The following ANGPTL6 variants were observed in gnomAD, a reference collection of about 807,000 sequenced individuals.
ANGPTL6 encodes angiopoietin like 6.
ANGPTL6 carries 45 observed loss-of-function variants against 47.4 expected under a neutral mutation model. The observed-to-expected ratio is 0.95, with a 90% CI of 0.75 to 1.22. The LOEUF is 1.22. Ranked by LOEUF, ANGPTL6 falls within the 50% of genes most tolerant of loss-of-function variation. ANGPTL6 has a pLI of 0.00. For missense variants in ANGPTL6, 698 were observed against 669.4 expected, an observed-to-expected ratio of 1.04 and a Z score of -0.47; for synonymous variants, 290 against 295.9, an observed-to-expected ratio of 0.98 and a Z score of 0.20.
At chr19:10,097,194 C>T (rs6511431) in intron 1 of ANGPTL6, among the ~76,000 whole-genome samples, 122 of 152,104 alleles carry the variant, frequency 8.0e-4, no homozygotes, top group African/African-American at 1.8e-3. Flanking sequence ...TCACTTGAGC[C>T]TAGGAGTTGG....
chr19:10,094,658 AT>A, intron 3 of ANGPTL6, 99 bp downstream of exon 3: 1 of 1,419,620 alleles, frequency 7.0e-7, no homozygotes, highest in Non-Finnish European at 9.9e-7. Flanking sequence ...TAGGAGTATC[AT>A]TTCTTCTGGT....
Position 10,096,546 on chromosome 19 carries a change from C to G in ANGPTL6, c.18G>C (p.Leu6=). MGKPW[L]RALQLLLLLG... ...GCAGGAGCAGCAGCTGTAGCGCACG[C>G]AGCCAGGGCTTCCCCATCGCGGCGG... Residue 6 remains leucine, a synonymous_variant, in exon 2 of 6, where the codon CTG becomes CTC. Coordinates refer to ENST00000253109, the MANE Select transcript of ANGPTL6 (RefSeq NM_031917.3). 6.6e-7 allele frequency: 1 copy of G among 1,512,344 alleles called. No individual in the cohort carries two copies. Among genetic ancestry groups the G allele is most frequent in the Non-Finnish European group, 8.8e-7 (1 of 1,137,308 alleles). The allele number at this position is 1,512,344 out of a possible 1,614,324, so 93.7% of individuals were successfully genotyped here. A position where few individuals can be genotyped will look rare whatever the true frequency, so the allele number is the denominator to read the frequency against.
Position 10,095,963 on chromosome 19 carries a change from G to T in ANGPTL6, c.582+19C>A. On this transcript the variant is annotated intron_variant, in intron 2 of 5. Coordinates refer to ENST00000253109, the MANE Select transcript of ANGPTL6 (RefSeq NM_031917.3). ...CATTTCACAGACGATGCTGCTCTCC[G>T]GGGAGGCTGCGAGGTTACCTGCTGC... The T allele has an allele frequency of 7.8e-7, 1 of 1,285,512 alleles. No individual in the cohort carries two copies. The highest frequency in any genetic ancestry group is 9.9e-7 in the Non-Finnish European group (1 of 1,009,902). The allele number at this position is 1,285,512 out of a possible 1,614,324, so 79.6% of individuals were successfully genotyped here.
rs1431285333 is a variant in ANGPTL6, at chr19:10,092,362, G to A, written c.*227C>T. 1.9e-5 allele frequency: 29 copies of A among 1,541,452 alleles called. No individual in the cohort carries two copies. In the East Asian group the frequency reaches 6.8e-4, roughly 36 times the overall value. ...CTGTGGCTACTTTGTGTTATTATAA[G>A]ATATGAGCTCAAACCGAGATATGAA... On this transcript the variant is annotated 3_prime_UTR_variant, in exon 6 of 6. Transcript: ENST00000253109.
chr19:10,093,961 T>A (rs1184520666), intron 3 of ANGPTL6, 81 bp from the exon 4 acceptor site: 5 of 1,442,492 alleles, frequency 3.5e-6, no homozygotes, highest in African/African-American at 1.4e-5. Context: ...TTCTCACAGG[T>A]CCTCTCACCA....
At chr19:10,095,870 G>A (rs940518855) in intron 2 of ANGPTL6, 112 bp downstream of exon 2, 66 of 638,564 alleles carry the variant, frequency 1.0e-4, no homozygotes, top group Non-Finnish European at 1.5e-4. Context: ...GGGCGAGTAG[G>A]AATCCGGTTT....
chr19:10,100,318 A>G (rs948864998), intron 1 of ANGPTL6, among the ~76,000 whole-genome samples: 1 of 151,944 alleles, frequency 6.6e-6, no homozygotes, highest in African/African-American at 2.4e-5. Context: ...ATCATAGCTC[A>G]CTGTAGCCTC....
chr19:10,099,779 G>T (rs1051950933), intron 1 of ANGPTL6, among the ~76,000 whole-genome samples: 1 of 149,886 alleles, frequency 6.7e-6, no homozygotes, highest in Non-Finnish European at 1.5e-5. Flanking sequence ...TTGAACAGCA[G>T]ATTTAGGGTT....
At chr19:10,104,199 G>C (rs906924761), upstream of ANGPTL6, among the ~76,000 whole-genome samples, 1 of 151,964 alleles carries the variant, frequency 6.6e-6, no homozygotes, top group African/African-American at 2.4e-5. Flanking sequence ...ATTCAACACT[G>C]TGAGACAAAA....
upstream of ANGPTL6, chr19:10,102,876 C>T: frequency 2.8e-6 from 2 of 717,896 alleles, no homozygotes; most frequent in Non-Finnish European, 3.4e-6. Flanking sequence ...GACATCCCTC[C>T]CTTTCCCCCA....
chr19:10,094,841 T>C lies in ANGPTL6; in HGVS notation c.680A>G (p.Gln227Arg). 1 of 1,614,196 alleles carries C rather than the reference T, an allele frequency of 6.2e-7. No individual in the cohort carries two copies. Among genetic ancestry groups the C allele is most frequent in the Non-Finnish European group, 8.5e-7 (1 of 1,180,020 alleles). Residue 227 changes from glutamine to arginine, a missense_variant, in exon 3 of 6, where the codon CAG (glutamine) becomes CGG (arginine). Coordinates refer to ENST00000253109, the MANE Select transcript of ANGPTL6 (RefSeq NM_031917.3). ...CTGCTGTCTCTGGGTCTGGTCTCTC[T>C]GGGGCTCTGGGGCTGGGTCCAGCAT... ...SRMLDPAPEPQRDQTQRQQEP... is the reference protein window; with the variant it reads ...SRMLDPAPEPRRDQTQRQQEP...
intron 2 of ANGPTL6, among the ~76,000 whole-genome samples, chr19:10,095,272 T>C (rs995071250): frequency 1.3e-5 from 2 of 151,982 alleles, no homozygotes; most frequent in Non-Finnish European, 2.9e-5. Flanking sequence ...ATTAACTGAG[T>C]GTGTTGGCTC....
intron 1 of ANGPTL6, among the ~76,000 whole-genome samples, chr19:10,101,052 T>C (rs891622436): frequency 4.6e-5 from 7 of 151,398 alleles, no homozygotes; most frequent in African/African-American, 1.5e-4. Context: ...CTACTGAAAA[T>C]ACAAAAATTA....
upstream of ANGPTL6, among the ~76,000 whole-genome samples, chr19:10,103,141 C>G (rs141754197): frequency 1.3e-5 from 2 of 151,934 alleles, no homozygotes; most frequent in African/African-American, 4.8e-5. Flanking sequence ...AACTTGCCTG[C>G]GGTCACACAG....
Position 10,096,424 on chromosome 19 carries a change from G to C in ANGPTL6, c.140C>G (p.Pro47Arg), listed in dbSNP as rs2088544363. Residue 47 changes from proline (P) to arginine (R), a missense_variant, in exon 2 of 6, where the codon CCC (proline) becomes CGC (arginine). Pro to Arg is a moderately radical substitution (Grantham distance 103). Coordinates refer to ENST00000253109, the MANE Select transcript of ANGPTL6 (RefSeq NM_031917.3). ...CTCGGGCGTCGCCCGCGTGGATGCG[G>C]GGCCGCTCCAGCACACAGCGCCCGT... ...KFTGAVCWSG[P>R]ASTRATPEAA... 5.8e-5 allele frequency: 78 copies of C among 1,352,536 alleles called. No homozygotes were observed. Among genetic ancestry groups the C allele is most frequent in the Non-Finnish European group, 7.4e-5 (78 of 1,056,908 alleles). The allele number at this position is 1,352,536 out of a possible 1,614,324, so 83.8% of individuals were successfully genotyped here.
At position 10,094,506 on chromosome 19, in the gene ANGPTL6, A is replaced by G. The variant is rs1438680796; in HGVS notation, c.763+252T>C. 5.5e-6 allele frequency: 3 copies of G among 545,056 alleles called. No homozygotes were observed. In the Admixed American group the frequency reaches 9.8e-5, roughly 18 times the overall value. The allele number at this position is 545,056 out of a possible 1,614,324, so 33.8% of individuals were successfully genotyped here. A position where few individuals can be genotyped will look rare whatever the true frequency, so the allele number is the denominator to read the frequency against. ...CTCCTCACCATAATATAAGTCCTGA[A>G]TATGATACTCTGAACCAGTTCAAAC... On this transcript the variant is annotated intron_variant, in intron 3 of 5. Coordinates refer to ENST00000253109, the MANE Select transcript of ANGPTL6 (RefSeq NM_031917.3).
At chr19:10,098,173 C>T (rs1006849707) in intron 1 of ANGPTL6, among the ~76,000 whole-genome samples, 2 of 152,004 alleles carry the variant, frequency 1.3e-5, no homozygotes, top group African/African-American at 4.8e-5. Context: ...TGTGACCCAC[C>T]ATGCCCTGCT....
At position 10,094,855 on chromosome 19, in the gene ANGPTL6, TG is replaced by T; in HGVS notation, c.665del (p.Pro222GlnfsTer61). 1 of 1,614,212 alleles carries T rather than the reference TG, an allele frequency of 6.2e-7. No individual in the cohort carries two copies. Among genetic ancestry groups the T allele is most frequent in the Non-Finnish European group, 8.5e-7 (1 of 1,180,026 alleles). On this transcript the variant is annotated frameshift_variant, in exon 3 of 6. Transcript: ENST00000253109. LOFTEE classifies it high-confidence loss of function. ...STSDTSRMLD[P>X]APEPQRDQTQ... is the part of the protein sequence containing the mutation. ...TCTGGTCTCTCTGGGGCTCTGGGGC[TG>T]GGTCCAGCATCCTACTGGTGTCACT...
At chr19:10,104,946 T>G (rs1039793993), upstream of ANGPTL6, among the ~76,000 whole-genome samples, 1 of 152,016 alleles carries the variant, frequency 6.6e-6, no homozygotes, top group African/African-American at 2.4e-5. Context: ...TTCACACAAG[T>G]CAAATCACAC....
Sources: gnomAD v4.1 joint callset for allele counts (sites outside exome capture counted in the v4.1 genomes callset) on GRCh38, gnomAD v4.1.1 for gene constraint, MANE v1.5 for transcripts, NCBI Gene and HGNC (gene_info 2026-07-23, HGNC 2026-07-21) for gene names.